The following INPP4B variants were observed in gnomAD, a reference collection of about 807,000 sequenced individuals.
INPP4B encodes inositol polyphosphate 4-phosphatase type II.
A neutral mutation model predicts 122.5 loss-of-function variants in INPP4B; 55 were observed. That is an observed-to-expected ratio of 0.45 (90% CI 0.36 to 0.56). INPP4B has a LOEUF of 0.56. INPP4B is among the 20% of genes least tolerant of loss of function. The pLI is 0.00. For synonymous variants in INPP4B, 403 were observed against 388.7 expected, an observed-to-expected ratio of 1.04 and a Z score of -0.43; for missense variants, 1,000 against 1,097.7, an observed-to-expected ratio of 0.91 and a Z score of 1.26.
chr4:142,244,782 T>C (rs1727049980), intron 11 of INPP4B, among the ~76,000 whole-genome samples: 1 of 152,242 alleles, frequency 6.6e-6, no homozygotes, highest in African/African-American at 2.4e-5. Flanking sequence ...TTTCTGGTTC[T>C]AGATCCTTGA....
At chr4:142,148,414 A>G (rs746481272) in intron 17 of INPP4B, among the ~76,000 whole-genome samples, 4 of 152,036 alleles carry the variant, frequency 2.6e-5, no homozygotes, top group Admixed American at 6.6e-5. Flanking sequence ...GGGTTTTACT[A>G]TGTTGCCCAG....
At chr4:142,193,824 C>T (rs529034893) in intron 14 of INPP4B, among the ~76,000 whole-genome samples, 4 of 152,044 alleles carry the variant, frequency 2.6e-5, no homozygotes, top group Non-Finnish European at 5.9e-5. Context: ...ACAAAAAATC[C>T]ATACACTTAA....
At chr4:142,573,707 CT>C (rs1733304452) in intron 2 of INPP4B, among the ~76,000 whole-genome samples, 1 of 152,100 alleles carries the variant, frequency 6.6e-6, no homozygotes, top group Admixed American at 6.6e-5. Context: ...TACAGGTTCC[CT>C]GTGCTAAATC....
intron 2 of INPP4B, among the ~76,000 whole-genome samples, chr4:142,482,544 A>G (rs759832278): frequency 1.3e-5 from 2 of 152,140 alleles, no homozygotes; most frequent in African/African-American, 4.8e-5. Context: ...TCAACGCTAA[A>G]TATTTCTGAT....
intron 14 of INPP4B, 67 bp from the exon 15 acceptor site, chr4:142,193,262 T>C (rs1481652698): frequency 1.1e-6 from 1 of 881,400 alleles, no homozygotes; most frequent in African/African-American, 1.7e-5. Flanking sequence ...CTGTTTGCAT[T>C]GAAGCATACC....
At chr4:142,357,843 A>G (rs1784119578) in intron 7 of INPP4B, among the ~76,000 whole-genome samples, 1 of 152,066 alleles carries the variant, frequency 6.6e-6, no homozygotes, top group South Asian at 2.1e-4. Context: ...TTGTGGATAT[A>G]CATGTTTGTG....
chr4:142,530,775 T>C (rs111756432), intron 2 of INPP4B, among the ~76,000 whole-genome samples: 5 of 152,092 alleles, frequency 3.3e-5, no homozygotes, highest in African/African-American at 1.2e-4. Flanking sequence ...CATTCAGGCA[T>C]TGAAAACAGC....
intron 2 of INPP4B, among the ~76,000 whole-genome samples, chr4:142,700,678 T>G (rs570967055): frequency 1.8e-5 from 1 of 56,064 alleles, no homozygotes; most frequent in Admixed American, 2.1e-4. Flanking sequence ...TGAAATTTTT[T>G]TTTTATTTTT....
intron 5 of INPP4B, among the ~76,000 whole-genome samples, chr4:142,412,927 T>C (rs1056764906): frequency 6.6e-6 from 1 of 152,170 alleles, no homozygotes; most frequent in Non-Finnish European, 1.5e-5. Flanking sequence ...CTTGGGACTC[T>C]AGGAGTCAAG....
At chr4:142,424,692 A>G (rs189274155) in intron 5 of INPP4B, among the ~76,000 whole-genome samples, 30 of 152,230 alleles carry the variant, frequency 2.0e-4, no homozygotes, top group Non-Finnish European at 3.8e-4. Context: ...AAATTAAATA[A>G]TAGCTTATAT....
At chr4:142,659,056 C>CT (rs1288533967) in intron 2 of INPP4B, among the ~76,000 whole-genome samples, 1 of 152,082 alleles carries the variant, frequency 6.6e-6, no homozygotes, top group Non-Finnish European at 1.5e-5. Context: ...AAGTTTAAGA[C>CT]TAAATTCTAT....
chr4:142,627,399 TA>T (rs1192848933), intron 2 of INPP4B, among the ~76,000 whole-genome samples: 2 of 146,396 alleles, frequency 1.4e-5, no homozygotes, highest in Non-Finnish European at 3.0e-5. Context: ...TTGTCATAGA[TA>T]GCTCTTATTA....
intron 5 of INPP4B, among the ~76,000 whole-genome samples, chr4:142,427,837 T>A (rs1193121386): frequency 6.6e-6 from 1 of 152,000 alleles, no homozygotes; most frequent in Admixed American, 6.6e-5. Context: ...AAGCTCAAGT[T>A]GTACGAGTGA....
At chr4:142,463,313 A>C (rs1380332077) in intron 2 of INPP4B, among the ~76,000 whole-genome samples, 1 of 152,192 alleles carries the variant, frequency 6.6e-6, no homozygotes, top group Non-Finnish European at 1.5e-5. Flanking sequence ...TGAATCACCC[A>C]GTGCCGCATG....
intron 25 of INPP4B, among the ~76,000 whole-genome samples, chr4:142,075,225 C>A (rs2152501299): frequency 6.6e-6 from 1 of 152,038 alleles, no homozygotes; most frequent in Non-Finnish European, 1.5e-5. Flanking sequence ...AAAATGACGA[C>A]CACATATTTC....
chr4:142,569,975 T>C (rs984540448), intron 2 of INPP4B, among the ~76,000 whole-genome samples: 2 of 152,128 alleles, frequency 1.3e-5, no homozygotes, highest in African/African-American at 4.8e-5. Context: ...TATAATTTAT[T>C]GACTTAGTTG....
chr4:142,257,732 G>C (rs1268441245), intron 11 of INPP4B, among the ~76,000 whole-genome samples: 1 of 152,194 alleles, frequency 6.6e-6, no homozygotes, highest in Non-Finnish European at 1.5e-5. Context: ...AACATTCTAT[G>C]CTCATGGGTA....
chr4:142,141,853 A>G (rs1315615119), intron 18 of INPP4B, among the ~76,000 whole-genome samples: 7 of 152,130 alleles, frequency 4.6e-5, no homozygotes, highest in African/African-American at 1.7e-4. Context: ...TTATAGCTAC[A>G]ATGTAAAAAT....
chr4:142,813,980 G>A (rs1286614154), intron 1 of INPP4B, among the ~76,000 whole-genome samples: 1 of 152,130 alleles, frequency 6.6e-6, no homozygotes, highest in East Asian at 1.9e-4. Flanking sequence ...ACCCCCAAGA[G>A]GAAGAAAAAG....
Sources: gnomAD v4.1 joint callset for allele counts (sites outside exome capture counted in the v4.1 genomes callset) on GRCh38, gnomAD v4.1.1 for gene constraint, MANE v1.5 for transcripts, NCBI Gene and HGNC (gene_info 2026-07-23, HGNC 2026-07-21) for gene names.